DRC11: variants seen among roughly 807,000 people sequenced by gnomAD.
DRC11 encodes the protein IQ and AAA domain-containing protein 1.
At chr2:236,338,256 CTT>C in the DRC11 span, 1 of 1,613,986 alleles carries the variant, frequency 6.2e-7, no homozygotes, top group East Asian at 2.2e-5. Context: ...TTCTGGTAAA[CTT>C]TGCAGAAAGA....
At chr2:236,363,635 C>A in the DRC11 span, 1 of 678,618 alleles carries the variant, frequency 1.5e-6, no homozygotes, top group Non-Finnish European at 2.5e-6. This position sits in a 1 kb window ranked among gnomAD's most constrained non-coding sequence, Gnocchi z 5.6. Context: ...TTTGGCCATA[C>A]GCAATAATGA....
chr2:236,419,357 T>C, the DRC11 span: 1 of 1,474,122 alleles, frequency 6.8e-7, no homozygotes, highest in Non-Finnish European at 9.0e-7. This position sits in a 1 kb window ranked among gnomAD's most constrained non-coding sequence, Gnocchi z 4.8. Context: ...GAAGTTTTTG[T>C]GCTGGTCAGT....
the DRC11 span, among the ~76,000 whole-genome samples, chr2:236,445,566 C>T: frequency 6.6e-6 from 1 of 151,992 alleles, no homozygotes; most frequent in East Asian, 1.9e-4. The surrounding 1 kb of genome is among the most constrained non-coding windows in gnomAD (Gnocchi z 4.8). Flanking sequence ...TCTCAAACTC[C>T]CGACCTCAGG....
chr2:236,313,742 C>CT, the DRC11 span, among the ~76,000 whole-genome samples: 9 of 152,118 alleles, frequency 5.9e-5, no homozygotes, highest in Admixed American at 5.2e-4. This position sits in a 1 kb window ranked among gnomAD's most constrained non-coding sequence, Gnocchi z 4.5. Flanking sequence ...AAGCCGTGAA[C>CT]CTTTAATACA....
At chr2:236,505,441 T>G in the DRC11 span, among the ~76,000 whole-genome samples, 1,966 of 152,250 alleles carry the variant, frequency 0.013, 60 homozygotes, top group East Asian at 0.12. Flanking sequence ...GGAAGGCCTG[T>G]CTCTGCTCAG....
the DRC11 span, among the ~76,000 whole-genome samples, chr2:236,465,025 A>T: frequency 6.6e-6 from 1 of 152,114 alleles, no homozygotes; most frequent in Non-Finnish European, 1.5e-5. This position sits in a 1 kb window ranked among gnomAD's most constrained non-coding sequence, Gnocchi z 6.2. Flanking sequence ...ATCCAGCCTC[A>T]GATATTTCTT....
the DRC11 span, chr2:236,507,262 C>A: frequency 3.7e-6 from 6 of 1,613,902 alleles, no homozygotes; most frequent in Admixed American, 6.7e-5. Flanking sequence ...CTTACGCGTT[C>A]GACATTGCTG....
At chr2:236,310,660 C>A in the DRC11 span, among the ~76,000 whole-genome samples, 1 of 152,198 alleles carries the variant, frequency 6.6e-6, no homozygotes, top group Admixed American at 6.5e-5. This position sits in a 1 kb window ranked among gnomAD's most constrained non-coding sequence, Gnocchi z 5.5. Flanking sequence ...GGCTGCGTAA[C>A]AAAAGGCCCT....
At chr2:236,350,967 A>G in the DRC11 span, among the ~76,000 whole-genome samples, 8 of 152,118 alleles carry the variant, frequency 5.3e-5, no homozygotes, top group African/African-American at 9.7e-5. The surrounding 1 kb of genome is among the most constrained non-coding windows in gnomAD (Gnocchi z 5.2). Context: ...GGAGGGATGA[A>G]AGGGACAGAG....
chr2:236,459,538 T>TACGTATAC, the DRC11 span, among the ~76,000 whole-genome samples: 1 of 130,212 alleles, frequency 7.7e-6, no homozygotes, highest in African/African-American at 3.1e-5. Context: ...TGTATACGTA[T>TACGTATAC]ACGTATACGT....
chr2:236,404,161 T>TAAAAAAAAAAAAAAAAAAAAAAAAAA, the DRC11 span, among the ~76,000 whole-genome samples: 1 of 91,556 alleles, frequency 1.1e-5, no homozygotes, highest in African/African-American at 4.0e-5. Context: ...AATGGAGAGT[T>TAAAAAAAAAAAAAAAAAAAAAAAAAA]AAAAAAAAAA....
At chr2:236,348,631 T>C in the DRC11 span, among the ~76,000 whole-genome samples, 61,796 of 151,996 alleles carry the variant, frequency 0.41, 13,163 homozygotes, top group African/African-American at 0.51. This position sits in a 1 kb window ranked among gnomAD's most constrained non-coding sequence, Gnocchi z 7.4. Context: ...CTGGGATCAC[T>C]AGGGGAGCTT....
chr2:236,355,367 G>A, the DRC11 span, among the ~76,000 whole-genome samples: 1,067 of 152,310 alleles, frequency 7.0e-3, 17 homozygotes, highest in African/African-American at 0.025. Context: ...CTTTTGCCAG[G>A]AACCGAAAAC....
chr2:236,453,025 G>T, the DRC11 span, among the ~76,000 whole-genome samples: 1 of 152,158 alleles, frequency 6.6e-6, no homozygotes, highest in Non-Finnish European at 1.5e-5. This position sits in a 1 kb window ranked among gnomAD's most constrained non-coding sequence, Gnocchi z 4.9. Flanking sequence ...GGAAGAGATA[G>T]AAAGATTTTC....
the DRC11 span, among the ~76,000 whole-genome samples, chr2:236,358,444 TACA>T: frequency 7.4e-6 from 1 of 134,938 alleles, no homozygotes; most frequent in Non-Finnish European, 1.6e-5. Context: ...TATATAAATA[TACA>T]TATAAAAAGT....
chr2:236,445,615 T>C, the DRC11 span, among the ~76,000 whole-genome samples: 1 of 152,064 alleles, frequency 6.6e-6, no homozygotes, highest in African/African-American at 2.4e-5. The surrounding 1 kb of genome is among the most constrained non-coding windows in gnomAD (Gnocchi z 4.8). Context: ...GCTCGGATTA[T>C]GGGTGTGAGC....
the DRC11 span, among the ~76,000 whole-genome samples, chr2:236,436,069 C>T: frequency 6.6e-6 from 1 of 152,144 alleles, no homozygotes; most frequent in Admixed American, 6.6e-5. Context: ...CAACTCCAGT[C>T]ATTACAATGA....
chr2:236,407,774 C>T, the DRC11 span: 1 of 301,774 alleles, frequency 3.3e-6, no homozygotes, highest in Admixed American at 4.3e-5. Context: ...AGTTTTCACT[C>T]CTCATTTTTT....
the DRC11 span, among the ~76,000 whole-genome samples, chr2:236,422,784 C>G: frequency 2.0e-5 from 3 of 152,224 alleles, 1 homozygote; most frequent in Admixed American, 2.0e-4. Context: ...AGGCACCACA[C>G]TACCTGACTT....
Sources: gnomAD v4.1 joint callset for allele counts (sites outside exome capture counted in the v4.1 genomes callset) on GRCh38, gnomAD v4.1.1 for gene constraint, Gnocchi (gnomAD v3.1) non-coding constraint, MANE v1.5 for transcripts, NCBI Gene and HGNC (gene_info 2026-07-23, HGNC 2026-07-21) for gene names.